OXR1: variants seen among roughly 807,000 people sequenced by gnomAD.
OXR1 encodes oxidation resistance 1.
In OXR1, 41 loss-of-function variants were observed where a neutral mutation model predicts 104.6. That is an observed-to-expected ratio of 0.39 (90% CI 0.31 to 0.51). The LOEUF is 0.51. Ranked by LOEUF, OXR1 falls within the 20% of genes least tolerant of loss-of-function variation. The pLI is 0.77. For missense variants in OXR1, 955 were observed against 1,031.9 expected, an observed-to-expected ratio of 0.93 and a Z score of 1.02; for synonymous variants, 348 against 348.4, an observed-to-expected ratio of 1.00 and a Z score of 0.01.
intron 3 of OXR1, among the ~76,000 whole-genome samples, chr8:106,618,803 A>G (rs975046446): frequency 1.3e-5 from 2 of 152,146 alleles, no homozygotes; most frequent in Non-Finnish European, 2.9e-5. Flanking sequence ...TCTGTTCTTC[A>G]TTAGCGTTTT....
At chr8:106,372,899 G>A (rs1368389517) in intron 2 of OXR1, among the ~76,000 whole-genome samples, 1 of 152,154 alleles carries the variant, frequency 6.6e-6, no homozygotes. Flanking sequence ...GATGAATTAT[G>A]TTTTTATAAA....
At chr8:106,316,104 ATTCACTG>A (rs1347592046) in intron 1 of OXR1, among the ~76,000 whole-genome samples, 6 of 152,230 alleles carry the variant, frequency 3.9e-5, no homozygotes, top group African/African-American at 1.4e-4. Context: ...CATGATGTGC[ATTCACTG>A]ATGTGGCTCA....
chr8:106,549,248 T>TC (rs955153572), intron 3 of OXR1, among the ~76,000 whole-genome samples: 1 of 151,712 alleles, frequency 6.6e-6, no homozygotes, highest in Non-Finnish European at 1.5e-5. Context: ...TCAAACATTT[T>TC]TTTTTTTTTT....
chr8:106,711,157 A>AT (rs1409342585), intron 10 of OXR1, among the ~76,000 whole-genome samples: 4 of 152,120 alleles, frequency 2.6e-5, no homozygotes, highest in African/African-American at 9.7e-5. Flanking sequence ...AATATCTTCT[A>AT]TATACGTGAC....
intron 1 of OXR1, among the ~76,000 whole-genome samples, chr8:106,298,299 G>A (rs934243503): frequency 9.2e-5 from 14 of 152,184 alleles, no homozygotes; most frequent in African/African-American, 3.4e-4. Flanking sequence ...ATGGCAGAAG[G>A]CAAAGGATGA....
chr8:106,640,352 G>GTA (rs1358337716), intron 3 of OXR1, among the ~76,000 whole-genome samples: 5 of 150,630 alleles, frequency 3.3e-5, no homozygotes, highest in Non-Finnish European at 7.4e-5. Context: ...GTATATAGAT[G>GTA]TATATATACA....
chr8:106,504,911 C>A (rs543139384), intron 2 of OXR1, among the ~76,000 whole-genome samples: 1 of 152,006 alleles, frequency 6.6e-6, no homozygotes, highest in Non-Finnish European at 1.5e-5. Flanking sequence ...TTTGATTTTT[C>A]TCCTAATGTA....
At chr8:106,408,030 T>G (rs528651168) in intron 2 of OXR1, among the ~76,000 whole-genome samples, 28 of 152,294 alleles carry the variant, frequency 1.8e-4, no homozygotes, top group South Asian at 1.0e-3. Context: ...GAAATATTTC[T>G]AATTGTCATG....
At chr8:106,511,556 TAC>T (rs59970999) in intron 2 of OXR1, among the ~76,000 whole-genome samples, 65,296 of 151,036 alleles carry the variant, frequency 0.43, 15,556 homozygotes, top group Non-Finnish European at 0.54. Flanking sequence ...CTCTCTCTCA[TAC>T]ACACACACAC....
chr8:106,681,476 C>T (rs1010135030), intron 4 of OXR1, among the ~76,000 whole-genome samples: 4 of 152,238 alleles, frequency 2.6e-5, no homozygotes, highest in East Asian at 1.9e-4. Flanking sequence ...CTTTTCCTGA[C>T]TTTTGAAATC....
At chr8:106,554,398 T>C (rs1816104378) in intron 3 of OXR1, among the ~76,000 whole-genome samples, 1 of 152,186 alleles carries the variant, frequency 6.6e-6, no homozygotes, top group Non-Finnish European at 1.5e-5. Context: ...GTTATATAAA[T>C]TTCACCTCCA....
chr8:106,654,439 T>A (rs1192386193), intron 3 of OXR1, among the ~76,000 whole-genome samples: 3 of 152,088 alleles, frequency 2.0e-5, no homozygotes, highest in Non-Finnish European at 4.4e-5. Context: ...GGAAAAATCA[T>A]CTTTTCAATA....
At chr8:106,397,514 A>G (rs1414927005) in intron 2 of OXR1, among the ~76,000 whole-genome samples, 4 of 152,094 alleles carry the variant, frequency 2.6e-5, no homozygotes, top group Admixed American at 2.0e-4. Context: ...AATCTTTATT[A>G]CTTATAGTCT....
intron 3 of OXR1, among the ~76,000 whole-genome samples, chr8:106,536,226 A>G (rs1395751435): frequency 2.1e-4 from 30 of 145,158 alleles, no homozygotes; most frequent in African/African-American, 6.9e-4. Flanking sequence ...TCTCAAAAAA[A>G]AAAGAAAGAA....
chr8:106,540,587 G>C (rs990956950), intron 3 of OXR1, among the ~76,000 whole-genome samples: 1 of 152,076 alleles, frequency 6.6e-6, no homozygotes, highest in Non-Finnish European at 1.5e-5. Context: ...CATTATAAAA[G>C]AGGCTAAAAG....
Position 106,716,454 on chromosome 8 carries a change from C to G in OXR1, c.1956+2469C>G, listed in dbSNP as rs1187702626. 1.0e-4 allele frequency among the ~76,000 whole-genome samples: 6 copies of G among 58,964 alleles called. 1 individual carries two copies. Among genetic ancestry groups the G allele is most frequent in the African/African-American group, 3.9e-4 (4 of 10,360 alleles). The allele number at this position is 58,964 out of a possible 152,430, so 38.7% of individuals were successfully genotyped here. A position where few individuals can be genotyped will look rare whatever the true frequency, so the allele number is the denominator to read the frequency against. ...CCTGGCTAACAAGGTGAAACCCCGT[C>G]TCTACTAAAAATACAAAAAATTAGC... is the stretch of plus-strand genomic sequence containing the variant. On this transcript the variant is annotated intron_variant, in intron 11 of 16. Transcript: ENST00000517566.
intron 3 of OXR1, among the ~76,000 whole-genome samples, chr8:106,523,616 A>T (rs925792999): frequency 1.3e-5 from 2 of 152,104 alleles, no homozygotes; most frequent in African/African-American, 4.8e-5. Flanking sequence ...ATGGGCTATG[A>T]CCTGAAGTTT....
intron 16 of OXR1, among the ~76,000 whole-genome samples, chr8:106,749,655 T>A (rs947903104): frequency 2.0e-4 from 30 of 152,134 alleles, no homozygotes; most frequent in Admixed American, 1.8e-3. Context: ...CCATATTTTT[T>A]AAAAAAGCCT....
At chr8:106,473,006 ACTTGT>A in intron 2 of OXR1, among the ~76,000 whole-genome samples, 1 of 151,986 alleles carries the variant, frequency 6.6e-6, no homozygotes, top group East Asian at 1.9e-4. Flanking sequence ...ATTATACATT[ACTTGT>A]ATGTAGTATA....
Sources: gnomAD v4.1 joint callset for allele counts (sites outside exome capture counted in the v4.1 genomes callset) on GRCh38, gnomAD v4.1.1 for gene constraint, MANE v1.5 for transcripts, NCBI Gene and HGNC (gene_info 2026-07-23, HGNC 2026-07-21) for gene names.